STOML3: variants seen among roughly 807,000 people sequenced by gnomAD.
STOML3 encodes the protein stomatin like 3.
In STOML3, 31 loss-of-function variants were observed where a neutral mutation model predicts 29.5. That is an observed-to-expected ratio of 1.05 (90% CI 0.79 to 1.42). The LOEUF is 1.42. Among genes scored for constraint, STOML3 ranks in the 40% most tolerant of loss-of-function variants. The probability of loss-of-function intolerance (pLI) is 0.00; values close to 1 mark genes in which losing one functional copy is unlikely to be tolerated. For synonymous variants in STOML3, 122 were observed against 139.8 expected (o/e 0.87, Z 0.90); for missense variants, 380 against 363.0 (o/e 1.05, Z -0.38).
At chr13:38,973,310 A>C (rs1370385883) in intron 3 of STOML3, among the ~76,000 whole-genome samples, 1 of 151,966 alleles carries the variant, frequency 6.6e-6, no homozygotes, top group East Asian at 1.9e-4. Flanking sequence ...GTTCTTGTTC[A>C]TTGTACTGGT....
At chr13:38,972,764 C>A (rs1880925860) in intron 3 of STOML3, among the ~76,000 whole-genome samples, 170 bp from the exon 4 acceptor site, 1 of 152,092 alleles carries the variant, frequency 6.6e-6, no homozygotes, top group African/African-American at 2.4e-5. Flanking sequence ...AGGTCAGTGA[C>A]TAAAGAAAAG....
At chr13:38,974,962 T>C (rs1881015414) in intron 3 of STOML3, among the ~76,000 whole-genome samples, 1 of 152,160 alleles carries the variant, frequency 6.6e-6, no homozygotes, top group Non-Finnish European at 1.5e-5. Context: ...TTTGCCAAAC[T>C]CACAAGAACA....
intron 1 of STOML3, among the ~76,000 whole-genome samples, chr13:38,982,523 G>A (rs1881304517): frequency 1.3e-5 from 2 of 152,040 alleles, no homozygotes; most frequent in Admixed American, 1.3e-4. Context: ...GTTTCTGTTG[G>A]AAGTAAAAGC....
At chr13:38,981,707 A>G (rs1038570252) in intron 1 of STOML3, among the ~76,000 whole-genome samples, 51 of 152,148 alleles carry the variant, frequency 3.4e-4, no homozygotes, top group Non-Finnish European at 2.9e-4. Context: ...GAAAGTCAAA[A>G]CCACCGTAAG....
chr13:38,990,569 C>T lies in STOML3; in HGVS notation c.52+101G>A, dbSNP rs1443240891. ...TAAATGAAATTGAGGCCGATTTCTGCAAATATATCTCATACTTACTCTATA... is the reference window on the plus strand; with the variant it reads ...TAAATGAAATTGAGGCCGATTTCTGTAAATATATCTCATACTTACTCTATA... On this transcript the variant is annotated intron_variant, in intron 1 of 6. Transcript: ENST00000379631. The T allele has an allele frequency of 1.7e-5, 20 of 1,174,318 alleles. No individual in the cohort carries two copies. The East Asian group carries it at 4.7e-4, about 28-fold the overall frequency. The allele number at this position is 1,174,318 out of a possible 1,614,324, so 72.7% of individuals were successfully genotyped here.
chr13:38,979,830 G>C (rs1160991052), intron 1 of STOML3, among the ~76,000 whole-genome samples: 1 of 152,134 alleles, frequency 6.6e-6, no homozygotes, highest in Non-Finnish European at 1.5e-5. Flanking sequence ...TGTCATGTTT[G>C]GTGTGTTTCC....
At chr13:38,977,748 G>A (rs964901604) in intron 1 of STOML3, among the ~76,000 whole-genome samples, 1 of 128,766 alleles carries the variant, frequency 7.8e-6, no homozygotes, top group East Asian at 2.1e-4. Context: ...TGAAGTCTCC[G>A]GATTTTTTTT....
Position 38,978,110 on chromosome 13 carries a change from G to T in STOML3, c.53-1313C>A, listed in dbSNP as rs1480903955. 4.0e-5 allele frequency among the ~76,000 whole-genome samples: 6 copies of T among 151,304 alleles called. No homozygotes were observed. In the Middle Eastern group the frequency reaches 0.01, roughly 259 times the overall value. ...AGGTCTGGCTGACCCTTTTAATTTA[G>T]AATTCTTTATAGTCACCATTTTATC... On this transcript the variant is annotated intron_variant, in intron 1 of 6. Coordinates refer to ENST00000379631, the MANE Select transcript of STOML3 (RefSeq NM_145286.3).
At chr13:38,978,325 T>C (rs1881163170) in intron 1 of STOML3, among the ~76,000 whole-genome samples, 1 of 152,020 alleles carries the variant, frequency 6.6e-6, no homozygotes, top group African/African-American at 2.4e-5. Flanking sequence ...GGCTAATTTT[T>C]GTATTTTTAG....
chr13:38,982,965 T>A (rs908348711), intron 1 of STOML3, among the ~76,000 whole-genome samples: 1 of 152,182 alleles, frequency 6.6e-6, no homozygotes, highest in African/African-American at 2.4e-5. Flanking sequence ...CCCCTATCTG[T>A]CTGTTACCTT....
chr13:38,985,911 C>CTTTTTTTTTTTT lies in STOML3; in HGVS notation c.52+4747_52+4758dup, dbSNP rs1170409048. Among the ~76,000 whole-genome samples the CTTTTTTTTTTTT allele has an allele frequency of 6.6e-3, 566 of 85,584 alleles. 5 individuals carry two copies. The highest frequency in any genetic ancestry group is 0.014 in the Middle Eastern group (1 of 70). 56.1% of individuals were successfully genotyped at this position (85,584 alleles called of 152,430 possible). On this transcript the variant is annotated intron_variant, in intron 1 of 6. Transcript: ENST00000379631. ...TTTCTTTTTTTTTTTTCTTTTCTTT[C>CTTTTTTTTTTTT]TTTTTTTTTTTTTTTTTTTTTTGTT...
chr13:38,968,272 A>G, intron 6 of STOML3, 128 bp downstream of exon 6: 1 of 1,351,140 alleles, frequency 7.4e-7, no homozygotes, highest in Non-Finnish European at 9.9e-7. Context: ...AATTCTCAGT[A>G]AAACTGTGAA....
At position 38,976,632 on chromosome 13, in the gene STOML3, C is replaced by T. The variant is rs1881087324; in HGVS notation, c.157-20G>A. On this transcript the variant is annotated intron_variant, in intron 2 of 6. Coordinates refer to ENST00000379631, the MANE Select transcript of STOML3 (RefSeq NM_145286.3). ...AATGATCTAGGAGATTAAGGGCGAA[C>T]GTTTAGTCCTAATGGTTTGTCAGTT... is the stretch of plus-strand genomic sequence containing the variant. The T allele has an allele frequency of 6.8e-6, 11 of 1,614,116 alleles. No individual in the cohort carries two copies. Among genetic ancestry groups the T allele is most frequent in the African/African-American group, 1.3e-5 (1 of 75,038 alleles).
At chr13:38,984,682 ACT>A (rs1868438207) in intron 1 of STOML3, among the ~76,000 whole-genome samples, 1 of 152,136 alleles carries the variant, frequency 6.6e-6, no homozygotes, top group South Asian at 2.1e-4. Context: ...CTGTAGGTAC[ACT>A]CTATGATGTT....
At chr13:38,987,633 A>C (rs1868635323) in intron 1 of STOML3, among the ~76,000 whole-genome samples, 1 of 145,342 alleles carries the variant, frequency 6.9e-6, no homozygotes, top group Non-Finnish European at 1.5e-5. Flanking sequence ...TGCTTACAGG[A>C]CTGAATAACA....
At chr13:38,987,673 A>ATATATATTATATATACTAATTATATAT (rs1868637905) in intron 1 of STOML3, among the ~76,000 whole-genome samples, 1 of 138,532 alleles carries the variant, frequency 7.2e-6, no homozygotes, top group Non-Finnish European at 1.5e-5. Context: ...AAGATTTTTA[A>ATATATATTATATATACTAATTATATAT]TATATATTAT....
chr13:38,967,900 T>C (rs1428119354), intron 6 of STOML3, among the ~76,000 whole-genome samples: 1 of 152,214 alleles, frequency 6.6e-6, no homozygotes, highest in African/African-American at 2.4e-5. Context: ...TTACATTTTG[T>C]AATTCTTACC....
chr13:38,972,505 G>A lies in STOML3; in HGVS notation c.312+7C>T, dbSNP rs760435233. ...ATTTCGAGTGACATATCCTTAATCAGTACTACCTCTTGTGGAGGAATGTTG... is the reference window on the plus strand; with the variant it reads ...ATTTCGAGTGACATATCCTTAATCAATACTACCTCTTGTGGAGGAATGTTG... On this transcript the variant is annotated splice_region_variant and intron_variant, in intron 4 of 6. Coordinates refer to ENST00000379631, the MANE Select transcript of STOML3 (RefSeq NM_145286.3). The A allele has an allele frequency of 1.2e-6, 2 of 1,612,492 alleles. No individual in the cohort carries two copies. Among genetic ancestry groups the A allele is most frequent in the East Asian group, 4.5e-5 (2 of 44,844 alleles).
At chr13:38,988,327 TTA>T (rs1242075612) in intron 1 of STOML3, among the ~76,000 whole-genome samples, 3 of 75,838 alleles carry the variant, frequency 4.0e-5, no homozygotes, top group Admixed American at 3.8e-4. Context: ...ATATTATATT[TTA>T]TATATAATAT....
Sources: allele counts gnomAD v4.1 joint callset (sites outside exome capture counted in the v4.1 genomes callset), GRCh38; gene constraint gnomAD v4.1.1; transcripts MANE v1.5; gene names NCBI Gene and HGNC (gene_info 2026-07-23, HGNC 2026-07-21).